The following PTGER4 variants were observed in gnomAD, a reference collection of about 807,000 sequenced individuals.
PTGER4 encodes the protein prostaglandin E receptor 4.
A neutral mutation model predicts 33.2 loss-of-function variants in PTGER4; 11 were observed. The ratio of observed to expected loss-of-function variants is 0.33; its 90% CI spans 0.21 to 0.55. The LOEUF (loss-of-function observed/expected upper bound fraction) is 0.55. Ranked by LOEUF, PTGER4 falls within the 20% of genes least tolerant of loss-of-function variation. The pLI, the probability that PTGER4 is intolerant of heterozygous loss-of-function variation, is 0.92. For synonymous variants in PTGER4, 275 were observed against 281.5 expected, an observed-to-expected ratio of 0.98 and a Z score of 0.23; for missense variants, 481 against 650.2, an observed-to-expected ratio of 0.74 and a Z score of 2.83.
chr5:40,738,681 T>C, the PTGER4 span, among the ~76,000 whole-genome samples: 1 of 152,014 alleles, frequency 6.6e-6, no homozygotes, highest in Admixed American at 6.5e-5. Flanking sequence ...TATAAAAGTT[T>C]AACTTGCTCC....
the PTGER4 span, among the ~76,000 whole-genome samples, chr5:40,719,179 C>A: frequency 2.0e-5 from 3 of 152,166 alleles, no homozygotes; most frequent in South Asian, 6.2e-4. Flanking sequence ...TTTTTATCAC[C>A]CCCAAAGAAA....
the PTGER4 span, among the ~76,000 whole-genome samples, chr5:40,709,240 A>G: frequency 1.3e-5 from 2 of 152,204 alleles, no homozygotes; most frequent in Admixed American, 6.5e-5. Flanking sequence ...AGGAAGTCAA[A>G]TTGTCCCTGT....
the PTGER4 span, among the ~76,000 whole-genome samples, chr5:40,703,270 G>A: frequency 5.2e-4 from 78 of 149,686 alleles, no homozygotes; most frequent in African/African-American, 1.8e-3. Context: ...AATTAAGAGA[G>A]AAGATCCAAA....
At chr5:40,685,322 C>A in intron 2 of PTGER4, 1 of 834,416 alleles carries the variant, frequency 1.2e-6, no homozygotes, top group Non-Finnish European at 1.4e-6. Flanking sequence ...CTTTCACCAG[C>A]ATTTGATCAG....
chr5:40,697,284 AAGAAAG>A (rs1561134547), downstream of PTGER4, among the ~76,000 whole-genome samples: 2 of 130,952 alleles, frequency 1.5e-5, no homozygotes, highest in East Asian at 4.7e-4. Context: ...GAAAGAAAGA[AAGAAAG>A]AAAGAAAAAG....
Position 40,693,162 on chromosome 5 carries a change from CATTT to C in PTGER4, c.*791_*794del. 1 of 968,872 alleles carries C rather than the reference CATTT, an allele frequency of 1.0e-6. No homozygotes were observed. Among genetic ancestry groups the C allele is most frequent in the Non-Finnish European group, 1.2e-6 (1 of 814,620 alleles). The allele number at this position is 968,872 out of a possible 1,614,324, so 60.0% of individuals were successfully genotyped here. On this transcript the variant is annotated 3_prime_UTR_variant, in exon 3 of 3. Coordinates refer to ENST00000302472, the MANE Select transcript of PTGER4 (RefSeq NM_000958.3). ...TAGTGAAAATTGTTTAGTGATATTA[CATTT>C]ATTTATCCAGAAAACTGTGATTTCA...
the PTGER4 span, among the ~76,000 whole-genome samples, chr5:40,706,727 A>C: frequency 6.6e-6 from 1 of 152,212 alleles, no homozygotes; most frequent in East Asian, 1.9e-4. Context: ...GAAAATTAAA[A>C]ACTTCTGCTC....
chr5:40,722,769 G>A, the PTGER4 span, among the ~76,000 whole-genome samples: 1 of 151,306 alleles, frequency 6.6e-6, no homozygotes, highest in Non-Finnish European at 1.5e-5. Context: ...CCCCGTCCCG[G>A]AGGTGGCGGG....
chr5:40,722,098 C>T, the PTGER4 span, among the ~76,000 whole-genome samples: 1 of 152,172 alleles, frequency 6.6e-6, no homozygotes, highest in Non-Finnish European at 1.5e-5. Context: ...CCCAGCTACT[C>T]GGGAGGTGAG....
chr5:40,692,497 T>G lies in PTGER4; in HGVS notation c.*119T>G. The G allele has an allele frequency of 6.7e-7, 1 of 1,484,138 alleles. No individual in the cohort carries two copies. Among genetic ancestry groups the G allele is most frequent in the Non-Finnish European group, 8.9e-7 (1 of 1,125,428 alleles). 91.9% of individuals were successfully genotyped at this position (1,484,138 alleles called of 1,614,324 possible). A position where few individuals can be genotyped will look rare whatever the true frequency, so the allele number is the denominator to read the frequency against. ...GCTATCATCATCCTACAACTCACATTAGAGAACATCCTGGCTTTTGAGCAC... is the reference window on the plus strand; with the variant it reads ...GCTATCATCATCCTACAACTCACATGAGAGAACATCCTGGCTTTTGAGCAC... On this transcript the variant is annotated 3_prime_UTR_variant, in exon 3 of 3. Transcript: ENST00000302472.
the PTGER4 span, among the ~76,000 whole-genome samples, chr5:40,709,264 A>G: frequency 1.3e-5 from 2 of 152,106 alleles, no homozygotes; most frequent in Admixed American, 6.6e-5. Flanking sequence ...CAGATGACAT[A>G]ATTGTATATC....
At chr5:40,700,165 T>G in the PTGER4 span, among the ~76,000 whole-genome samples, 2 of 152,334 alleles carry the variant, frequency 1.3e-5, no homozygotes, top group Middle Eastern at 6.8e-3. Context: ...AATTGGAAGA[T>G]GAAAATTTTA....
At chr5:40,737,604 C>T in the PTGER4 span, among the ~76,000 whole-genome samples, 1 of 152,166 alleles carries the variant, frequency 6.6e-6, no homozygotes, top group South Asian at 2.1e-4. Flanking sequence ...ATTTATATAT[C>T]AAAAAACGTA....
the PTGER4 span, among the ~76,000 whole-genome samples, chr5:40,730,625 C>A: frequency 1.3e-5 from 2 of 152,158 alleles, no homozygotes; most frequent in Admixed American, 1.3e-4. Context: ...CGGGCAAACA[C>A]CATTCTACTC....
At chr5:40,688,778 A>G (rs955096091) in intron 2 of PTGER4, among the ~76,000 whole-genome samples, 9 of 152,254 alleles carry the variant, frequency 5.9e-5, no homozygotes, top group African/African-American at 2.2e-4. Context: ...TTTTAAATCA[A>G]GTATGCTTTG....
downstream of PTGER4, among the ~76,000 whole-genome samples, chr5:40,696,449 C>T (rs1390862558): frequency 6.6e-6 from 1 of 152,050 alleles, no homozygotes; most frequent in African/African-American, 2.4e-5. Context: ...AGAAATAGAA[C>T]CCAAAAAAAC....
chr5:40,716,988 G>A, the PTGER4 span, among the ~76,000 whole-genome samples: 1 of 152,062 alleles, frequency 6.6e-6, no homozygotes, highest in Non-Finnish European at 1.5e-5. Flanking sequence ...CAGCACTTTG[G>A]GAGGCTGAGG....
At chr5:40,727,686 C>T in the PTGER4 span, among the ~76,000 whole-genome samples, 1 of 152,200 alleles carries the variant, frequency 6.6e-6, no homozygotes, top group African/African-American at 2.4e-5. Flanking sequence ...GATACTAATA[C>T]CACTTTATAA....
the PTGER4 span, among the ~76,000 whole-genome samples, chr5:40,729,636 T>C: frequency 2.0e-5 from 3 of 152,204 alleles, no homozygotes; most frequent in Non-Finnish European, 4.4e-5. Context: ...CTATATTTAA[T>C]CACAAGGAAA....
Sources: gnomAD v4.1 joint callset for allele counts (sites outside exome capture counted in the v4.1 genomes callset) on GRCh38, gnomAD v4.1.1 for gene constraint, MANE v1.5 for transcripts, NCBI Gene and HGNC (gene_info 2026-07-23, HGNC 2026-07-21) for gene names.